The following DYNC2H1 variants were observed in gnomAD, a reference collection of about 807,000 sequenced individuals.
DYNC2H1 encodes dynein cytoplasmic 2 heavy chain 1, also known as cytoplasmic dynein 2 heavy chain 1.
A neutral mutation model predicts 570.0 loss-of-function variants in DYNC2H1; 410 were observed. The observed-to-expected ratio is 0.72, with a 90% CI of 0.66 to 0.78. The LOEUF (loss-of-function observed/expected upper bound fraction) is 0.78. DYNC2H1 is among the 30% of genes least tolerant of loss of function. The pLI is 0.00. For synonymous variants in DYNC2H1, 1,688 were observed against 1,677.6 expected, an observed-to-expected ratio of 1.01 and a Z score of -0.15; for missense variants, 4,865 against 5,046.4, an observed-to-expected ratio of 0.96 and a Z score of 1.09.
Position 103,287,549 on chromosome 11 carries a change from C to T in DYNC2H1, c.11039C>T (p.Ala3680Val), listed in dbSNP as rs10895391. Residue 3680 changes from alanine (A) to valine (V), a missense_variant, in exon 75 of 89, where the codon GCG becomes GTG. By Grantham distance (64) the Ala-to-Val change is moderately conservative. Transcript: ENST00000375735. Reference protein sequence around the residue: ...SLFQQILVVQALRPDRLQSAM... With the variant: ...SLFQQILVVQVLRPDRLQSAM... ...TATTTTAAGATTCTTGTAGTACAGG[C>T]GCTAAGACCGGACAGATTGCAAAGT... 0.35 allele frequency: 555,649 copies of T among 1,603,654 alleles called. 98,755 individuals carry two copies. Among genetic ancestry groups the T allele is most frequent in the South Asian group, 0.4 (35,665 of 89,194 alleles).
rs1938361801 is a variant in DYNC2H1, at chr11:103,324,339, AGTAGGCCCTGGTGTCT to A, written c.12039+352_12039+367del. ...CCTCTCCTCTCACCCTCCACCCTCAAGTAGGCCCTGGTGTCTGTTGTTCCCTTCTTTGTATCCATGT... is the reference window on the plus strand; with the variant it reads ...CCTCTCCTCTCACCCTCCACCCTCAAGTTGTTCCCTTCTTTGTATCCATGT... On this transcript the variant is annotated intron_variant, in intron 82 of 88. Coordinates refer to ENST00000375735, the MANE Select transcript of DYNC2H1 (RefSeq NM_001377.3). The surrounding 1 kb of genome is among the most constrained non-coding windows in gnomAD (Gnocchi z 5.2). Among the ~76,000 whole-genome samples the A allele has an allele frequency of 6.6e-6, 1 of 152,208 alleles. No homozygotes were observed. Among genetic ancestry groups the A allele is most frequent in the African/African-American group, 2.4e-5 (1 of 41,524 alleles).
At position 103,147,854 on chromosome 11, in the gene DYNC2H1, C is replaced by T. The variant is rs576945759; in HGVS notation, c.2785C>T (p.Leu929=). ...TGATCTCATCCAGAAGTTATTTGAT[C>T]TGCTTGTTCTTTCTTTGAAGAAGTC... is the stretch of plus-strand genomic sequence containing the variant. ...IDDLIQKLFD[L]LVLSLKKSIQ... is the part of the protein sequence containing the mutation. The change falls in exon 19 of 89, where the codon CTG becomes TTG. Residue 929 remains leucine, a synonymous_variant. Transcript: ENST00000375735. 3.1e-6 allele frequency: 5 copies of T among 1,611,074 alleles called. No individual in the cohort carries two copies. In the South Asian group the frequency reaches 5.5e-5, roughly 18 times the overall value.
intron 84 of DYNC2H1, among the ~76,000 whole-genome samples, chr11:103,417,061 T>A (rs1943310152): frequency 6.6e-6 from 1 of 152,030 alleles, no homozygotes; most frequent in Admixed American, 6.5e-5. Flanking sequence ...GAAATGCAAA[T>A]CAAAACCACA....
At chr11:103,300,702 T>A (rs1477758345) in intron 75 of DYNC2H1, among the ~76,000 whole-genome samples, 1 of 151,980 alleles carries the variant, frequency 6.6e-6, no homozygotes, top group Non-Finnish European at 1.5e-5. Context: ...CCTGTGGGAT[T>A]TTAAAATTAA....
Position 103,199,575 on chromosome 11 carries a change from T to C in DYNC2H1, c.8088+99T>C. On this transcript the variant is annotated intron_variant, in intron 49 of 88. Coordinates refer to ENST00000375735, the MANE Select transcript of DYNC2H1 (RefSeq NM_001377.3). This position sits in a 1 kb window ranked among gnomAD's most constrained non-coding sequence, Gnocchi z 4.6. Reference sequence around the variant, plus strand: ...CCTAAAGGTTTAAAGAACTAAAGTTTTAAAGAACATCTTTAAAGAACTAAA... The same window carrying C: ...CCTAAAGGTTTAAAGAACTAAAGTTCTAAAGAACATCTTTAAAGAACTAAA... 1 of 1,185,850 alleles carries C rather than the reference T, an allele frequency of 8.4e-7. No individual in the cohort carries two copies. The highest frequency in any genetic ancestry group is 2.8e-5 in the South Asian group (1 of 36,262). 73.5% of individuals were successfully genotyped at this position (1,185,850 alleles called of 1,614,324 possible).
At chr11:103,117,008 T>G (rs1376975374) in intron 5 of DYNC2H1, among the ~76,000 whole-genome samples, 4 of 150,600 alleles carry the variant, frequency 2.7e-5, no homozygotes, top group African/African-American at 4.9e-5. Context: ...ATAGGCTTAT[T>G]TGTTAATATT....
chr11:103,469,274 C>T (rs1232946016), intron 88 of DYNC2H1, among the ~76,000 whole-genome samples: 1 of 152,126 alleles, frequency 6.6e-6, no homozygotes. Context: ...TTTTTCCTTT[C>T]AAAACCATTA....
chr11:103,362,977 G>T (rs1940731893), intron 83 of DYNC2H1, among the ~76,000 whole-genome samples: 1 of 152,078 alleles, frequency 6.6e-6, no homozygotes, highest in African/African-American at 2.4e-5. Flanking sequence ...GTTGCAGTGA[G>T]CCAAGATTGT....
chr11:103,409,964 C>A (rs1311307316), intron 84 of DYNC2H1, among the ~76,000 whole-genome samples: 1 of 152,008 alleles, frequency 6.6e-6, no homozygotes, highest in South Asian at 2.1e-4. Flanking sequence ...ATCGCCTATA[C>A]CTTTATATAA....
intron 82 of DYNC2H1, among the ~76,000 whole-genome samples, chr11:103,339,102 G>A (rs901292162): frequency 6.6e-6 from 1 of 152,192 alleles, no homozygotes; most frequent in Non-Finnish European, 1.5e-5. Context: ...CCTTGGTGGA[G>A]TTGGGCAAGG....
chr11:103,147,688 A>G (rs1160101147), intron 18 of DYNC2H1, 84 bp from the exon 19 acceptor site: 5 of 798,082 alleles, frequency 6.3e-6, no homozygotes, highest in South Asian at 3.5e-5. Flanking sequence ...AGTGTATTAC[A>G]TGAAATCATT....
chr11:103,158,550 G>A (rs1565352465), intron 26 of DYNC2H1, 127 bp from the exon 27 acceptor site: 3 of 645,322 alleles, frequency 4.6e-6, no homozygotes, highest in Middle Eastern at 4.1e-4. Context: ...CATTCCTAGA[G>A]GTGTAATACT....
intron 84 of DYNC2H1, among the ~76,000 whole-genome samples, chr11:103,421,362 A>G (rs1943482013): frequency 1.3e-5 from 2 of 152,276 alleles, no homozygotes; most frequent in South Asian, 2.1e-4. Flanking sequence ...TGTGATAGAT[A>G]TCTATACGAC....
intron 87 of DYNC2H1, among the ~76,000 whole-genome samples, chr11:103,457,082 C>G (rs1944813116): frequency 1.3e-5 from 2 of 152,090 alleles, no homozygotes; most frequent in African/African-American, 4.8e-5. Context: ...TTCATATTGC[C>G]CGGTGACGTC....
chr11:103,283,206 C>T, intron 73 of DYNC2H1, 121 bp downstream of exon 73: 1 of 662,602 alleles, frequency 1.5e-6, no homozygotes, highest in Non-Finnish European at 2.4e-6. Flanking sequence ...GTAAGTTCCC[C>T]CAGTAAAAAG....
intron 85 of DYNC2H1, among the ~76,000 whole-genome samples, chr11:103,438,986 G>C (rs764255788): frequency 6.6e-6 from 1 of 152,024 alleles, no homozygotes; most frequent in African/African-American, 2.4e-5. Flanking sequence ...TTAAAAAAAA[G>C]ATAATTCCGC....
chr11:103,116,739 G>T, intron 5 of DYNC2H1, 25 bp downstream of exon 5: 1 of 1,549,028 alleles, frequency 6.5e-7, no homozygotes. Context: ...ATGAACTTTT[G>T]GAATTTTGAA....
At chr11:103,284,398 C>T (rs675548) in intron 73 of DYNC2H1, among the ~76,000 whole-genome samples, 24,361 of 152,054 alleles carry the variant, frequency 0.16, 2,098 homozygotes, top group Admixed American at 0.25. Context: ...GTTTTTTGTT[C>T]ATACCAGTGG....
chr11:103,457,738 G>A (rs905167558), intron 87 of DYNC2H1, among the ~76,000 whole-genome samples: 27 of 152,122 alleles, frequency 1.8e-4, no homozygotes, highest in Non-Finnish European at 3.7e-4. Context: ...GCCTCCCAGA[G>A]TGCTAGGATT....
Sources: gnomAD v4.1 joint callset for allele counts (sites outside exome capture counted in the v4.1 genomes callset) on GRCh38, gnomAD v4.1.1 for gene constraint, Gnocchi (gnomAD v3.1) non-coding constraint, MANE v1.5 for transcripts, NCBI Gene and HGNC (gene_info 2026-07-23, HGNC 2026-07-21) for gene names.